Variants in PREX1 observed in about 807,000 individuals in gnomAD.
PREX1 encodes phosphatidylinositol-3,4,5-trisphosphate dependent Rac exchange factor 1.
Under a neutral mutation model 198.3 loss-of-function variants are expected in PREX1, and 41 were observed. That is an observed-to-expected ratio of 0.21 (90% CI 0.16 to 0.27). PREX1 has a LOEUF of 0.27. PREX1 is among the 10% of genes least tolerant of loss of function. PREX1 has a pLI of 1.00. For missense variants in PREX1, 1,620 were observed against 2,200.7 expected (o/e 0.74, Z 5.28); for synonymous variants, 843 against 887.2 (o/e 0.95, Z 0.89).
intron 5 of PREX1, among the ~76,000 whole-genome samples, chr20:48,708,777 C>A (rs6063311): frequency 1.3e-5 from 2 of 151,884 alleles, no homozygotes; most frequent in African/African-American, 4.8e-5. Flanking sequence ...CACCGTGGTG[C>A]GAAGGGTCTG....
chr20:48,679,609 G>C (rs369688673), intron 12 of PREX1, 42 bp downstream of exon 12: 1 of 1,542,596 alleles, frequency 6.5e-7, no homozygotes, highest in Non-Finnish European at 9.0e-7. Flanking sequence ...GGAGGTGAAC[G>C]AGGCCAGCTG....
In PREX1 at chr20:48,734,566, T is replaced by G; in HGVS notation, c.499A>C (p.Thr167Pro). Residue 167 changes from threonine (T) to proline (P), a missense_variant, in exon 4 of 40, where the codon ACC becomes CCC. Physicochemically the swap from Thr to Pro is conservative, Grantham distance 38. Coordinates refer to ENST00000371941, the MANE Select transcript of PREX1 (RefSeq NM_020820.4). ...CTTACCAAAAGGAAGGCGCGCACGG[T>G]AGGGATCTTGTTCAGCTCCACCAGC... is the stretch of plus-strand genomic sequence containing the variant. The part of the protein sequence containing the change: ...RLLVELNKIP[T>P]VRAFLLSCML... The G allele has an allele frequency of 6.2e-7, 1 of 1,614,090 alleles. No homozygotes were observed. Among genetic ancestry groups the G allele is most frequent in the Non-Finnish European group, 8.5e-7 (1 of 1,179,950 alleles).
chr20:48,888,037 G>T, the PREX1 span, among the ~76,000 whole-genome samples: 423 of 152,270 alleles, frequency 2.8e-3, 4 homozygotes, highest in African/African-American at 9.6e-3. Context: ...GTTGTATTAG[G>T]TTTTCACACT....
At chr20:48,705,573 C>A (rs1296912106) in intron 6 of PREX1, among the ~76,000 whole-genome samples, 2 of 152,174 alleles carry the variant, frequency 1.3e-5, no homozygotes, top group Non-Finnish European at 2.9e-5. Context: ...GATGTGCAAT[C>A]GCATCATTAA....
At chr20:48,645,783 C>T (rs930217131) in intron 26 of PREX1, 68 bp downstream of exon 26, 22 of 1,532,118 alleles carry the variant, frequency 1.4e-5, no homozygotes, top group African/African-American at 6.8e-5. Context: ...GATGTTGCCA[C>T]GGGTCCGTGG....
Position 48,734,610 on chromosome 20 carries a change from T to A in PREX1, c.455A>T (p.His152Leu), listed in dbSNP as rs748769922. The A allele has an allele frequency of 6.2e-7, 1 of 1,614,156 alleles. No homozygotes were observed. Among genetic ancestry groups the A allele is most frequent in the Non-Finnish European group, 8.5e-7 (1 of 1,179,982 alleles). ...FCVYEEYCSN[H>L]EKALRLLVEL... The stretch of plus-strand genomic sequence containing the variant: ...CACCAGCAGCCTCAGGGCTTTCTCA[T>A]GGTTGCTGCAATACTCCTCGTACAC... Residue 152 changes from histidine (H) to leucine (L), a missense_variant, in exon 4 of 40, where the codon CAT (histidine) becomes CTT (leucine). His to Leu is a moderately conservative substitution (Grantham distance 99). Coordinates refer to ENST00000371941, the MANE Select transcript of PREX1 (RefSeq NM_020820.4).
rs2090275969 is a variant in PREX1 at position 48,778,913 on chromosome 20, G to A, written c.220-31033C>T. On this transcript the variant is annotated intron_variant, in intron 1 of 39. Transcript: ENST00000371941. ...AAATTCAAAACATAAAACTTTAGAA[G>A]AAAACAGGAGAAAATCCTTGTGACC... 2.0e-5 allele frequency among the ~76,000 whole-genome samples: 3 copies of A among 151,974 alleles called. No individual in the cohort carries two copies. In the South Asian group the frequency reaches 6.2e-4, roughly 32 times the overall value.
the PREX1 span, among the ~76,000 whole-genome samples, chr20:48,882,361 G>A: frequency 2.0e-5 from 3 of 151,820 alleles, no homozygotes; most frequent in African/African-American, 7.3e-5. Context: ...AATTAGCCGG[G>A]TGTGGTGGCG....
At chr20:48,711,830 T>A (rs1028261817) in intron 5 of PREX1, among the ~76,000 whole-genome samples, 2 of 152,210 alleles carry the variant, frequency 1.3e-5, no homozygotes, top group East Asian at 3.8e-4. Context: ...AAGGTTCTCA[T>A]GGATGGGGCG....
intron 29 of PREX1, 65 bp downstream of exon 29, chr20:48,642,103 T>C (rs1039219159): frequency 3.3e-6 from 5 of 1,521,452 alleles, no homozygotes; most frequent in African/African-American, 2.7e-5. Flanking sequence ...TTAGCCCGGG[T>C]ACGCCGCCCT....
chr20:48,717,614 G>A (rs1335999325), intron 5 of PREX1, among the ~76,000 whole-genome samples: 1 of 152,076 alleles, frequency 6.6e-6, no homozygotes, highest in Non-Finnish European at 1.5e-5. Flanking sequence ...CACCCTGCAT[G>A]CATGCAAATC....
intron 1 of PREX1, among the ~76,000 whole-genome samples, chr20:48,796,808 A>G (rs2090365096): frequency 6.6e-6 from 1 of 151,052 alleles, no homozygotes; most frequent in Non-Finnish European, 1.5e-5. Context: ...TTATATACAC[A>G]TGTATAGCTG....
chr20:48,831,326 C>A (rs938277543), upstream of PREX1, among the ~76,000 whole-genome samples: 2 of 152,198 alleles, frequency 1.3e-5, no homozygotes, highest in Non-Finnish European at 2.9e-5. Flanking sequence ...TTAGAAAAGA[C>A]CTGCTTAGTC....
At chr20:48,651,835 C>T (rs1181342854) in intron 21 of PREX1, among the ~76,000 whole-genome samples, 1 of 152,246 alleles carries the variant, frequency 6.6e-6, no homozygotes, top group Non-Finnish European at 1.5e-5. Context: ...TCGGAAGGTT[C>T]TCTTCTCATC....
rs552597209 is a variant in PREX1, at chr20:48,666,687, G to T, written c.1666-332C>A. On this transcript the variant is annotated intron_variant, in intron 14 of 39. Transcript: ENST00000371941. This position sits in a 1 kb window ranked among gnomAD's most constrained non-coding sequence, Gnocchi z 4.3. Reference sequence around the variant, plus strand: ...ACTACAGGCACCTGCCACCACGCCCGGCTAATTTTTTGTATTTTTAGTAGA... The same window carrying T: ...ACTACAGGCACCTGCCACCACGCCCTGCTAATTTTTTGTATTTTTAGTAGA... Among the ~76,000 whole-genome samples, 1 of 151,964 alleles carries T rather than the reference G, an allele frequency of 6.6e-6. No individual in the cohort carries two copies. The highest frequency in any genetic ancestry group is 2.4e-5 in the African/African-American group (1 of 41,354).
intron 1 of PREX1, among the ~76,000 whole-genome samples, chr20:48,787,551 C>T (rs973598564): frequency 1.3e-5 from 2 of 151,544 alleles, no homozygotes; most frequent in African/African-American, 2.4e-5. Flanking sequence ...TGCTGCTCCC[C>T]ACATTATGGA....
chr20:48,643,338 G>A (rs963783883), intron 27 of PREX1, among the ~76,000 whole-genome samples: 7 of 152,038 alleles, frequency 4.6e-5, no homozygotes, highest in East Asian at 1.9e-4. Flanking sequence ...ATGTGGTGGC[G>A]GGCGCCTGTA....
At chr20:48,775,305 C>T (rs1025435332) in intron 1 of PREX1, among the ~76,000 whole-genome samples, 28 of 151,930 alleles carry the variant, frequency 1.8e-4, no homozygotes, top group African/African-American at 5.8e-4. Context: ...AGAAATCAAG[C>T]AGGAAAGGGA....
At chr20:48,823,048 C>A (rs2090493760) in intron 1 of PREX1, among the ~76,000 whole-genome samples, 1 of 152,174 alleles carries the variant, frequency 6.6e-6, no homozygotes, top group Admixed American at 6.5e-5. Context: ...AGCGGAGCTC[C>A]AATGAGAAGA....
Sources: gnomAD v4.1 joint callset for allele counts (sites outside exome capture counted in the v4.1 genomes callset) on GRCh38, gnomAD v4.1.1 for gene constraint, Gnocchi (gnomAD v3.1) non-coding constraint, MANE v1.5 for transcripts, NCBI Gene and HGNC (gene_info 2026-07-23, HGNC 2026-07-21) for gene names.